The following CACNA1D variants were observed in gnomAD, a reference collection of about 807,000 sequenced individuals.
CACNA1D encodes the protein voltage-dependent L-type calcium channel subunit alpha-1D.
CACNA1D carries 55 observed loss-of-function variants against 257.1 expected under a neutral mutation model. That is an observed-to-expected ratio of 0.21 (90% confidence interval 0.17 to 0.27). CACNA1D has a LOEUF of 0.27. Ranked by LOEUF, CACNA1D falls within the 10% of genes least tolerant of loss-of-function variation. The probability of loss-of-function intolerance (pLI) is 1.00; values close to 1 mark genes in which losing one functional copy is unlikely to be tolerated. For synonymous variants in CACNA1D, 980 were observed against 1,014.9 expected, an observed-to-expected ratio of 0.97 and a Z score of 0.65; for missense variants, 1,876 against 2,784.0, an observed-to-expected ratio of 0.67 and a Z score of 7.34.
intron 25 of CACNA1D, 78 bp downstream of exon 25, chr3:53,745,953 C>A: frequency 8.5e-7 from 1 of 1,173,494 alleles, no homozygotes; most frequent in South Asian, 1.2e-5. Context: ...GTTGGCACGT[C>A]AGAAGTTTTG....
At chr3:53,770,670 C>A in intron 32 of CACNA1D, 118 bp downstream of exon 32, 1 of 887,712 alleles carries the variant, frequency 1.1e-6, no homozygotes, top group South Asian at 1.4e-5. Flanking sequence ...GGACCTAAAT[C>A]AATAGAAAAC....
chr3:53,722,966 G>C (rs1470258363), intron 12 of CACNA1D, among the ~76,000 whole-genome samples: 1 of 152,054 alleles, frequency 6.6e-6, no homozygotes, highest in Non-Finnish European at 1.5e-5. Context: ...TCTCCAGCCT[G>C]CTTGGTGATA....
intron 14 of CACNA1D, among the ~76,000 whole-genome samples, chr3:53,724,387 A>G (rs2094911136): frequency 6.6e-6 from 1 of 152,222 alleles, no homozygotes; most frequent in Non-Finnish European, 1.5e-5. Flanking sequence ...TAATAGATTT[A>G]CACAAGAAGT....
At chr3:53,684,381 G>A (rs1239320087) in intron 8 of CACNA1D, among the ~76,000 whole-genome samples, 1 of 152,150 alleles carries the variant, frequency 6.6e-6, no homozygotes, top group Non-Finnish European at 1.5e-5. Flanking sequence ...CAGCACTTTG[G>A]GAGGCTGAGG....
At chr3:53,648,827 A>AC (rs1553622544) in intron 3 of CACNA1D, among the ~76,000 whole-genome samples, 5 of 118,988 alleles carry the variant, frequency 4.2e-5, no homozygotes, top group Non-Finnish European at 8.2e-5. Flanking sequence ...GCTAACTCTC[A>AC]AAACACACAC....
chr3:53,647,768 T>C (rs2094038348), intron 3 of CACNA1D, among the ~76,000 whole-genome samples: 1 of 152,226 alleles, frequency 6.6e-6, no homozygotes, highest in Non-Finnish European at 1.5e-5. Context: ...AGTGGCAGGA[T>C]TGAGGACCGG....
In CACNA1D at chr3:53,723,783, G is replaced by C. The variant is rs760307188; in HGVS notation, c.1893-9G>C. 1.2e-6 allele frequency: 2 copies of C among 1,611,916 alleles called. No individual in the cohort carries two copies. Among genetic ancestry groups the C allele is most frequent in the Non-Finnish European group, 1.7e-6 (2 of 1,178,022 alleles). On this transcript the variant is annotated splice_polypyrimidine_tract_variant and intron_variant, in intron 13 of 47. Transcript: ENST00000350061. This position sits in a 1 kb window ranked among gnomAD's most constrained non-coding sequence, Gnocchi z 5.6. ...TGTTCTGAGCTGACACCCTCATCTTGACTTATAGGCACTGGACTTCCCTGA... is the reference window on the plus strand; with the variant it reads ...TGTTCTGAGCTGACACCCTCATCTTCACTTATAGGCACTGGACTTCCCTGA...
intron 7 of CACNA1D, among the ~76,000 whole-genome samples, chr3:53,667,189 C>T (rs2094274868): frequency 6.6e-6 from 1 of 152,174 alleles, no homozygotes; most frequent in Admixed American, 6.5e-5. Context: ...GTGGACCCAT[C>T]CAGCCTGCCA....
intron 19 of CACNA1D, among the ~76,000 whole-genome samples, chr3:53,733,973 T>G (rs2095028920): frequency 7.0e-6 from 1 of 142,704 alleles, no homozygotes; most frequent in African/African-American, 2.6e-5. Context: ...TGTATGTATA[T>G]GTATATATAT....
Position 53,673,577 on chromosome 3 carries a change from AGG to A in CACNA1D, c.1220+453_1220+454del. 1 of 643,738 alleles carries A rather than the reference AGG, an allele frequency of 1.6e-6. No homozygotes were observed. The highest frequency in any genetic ancestry group is 1.7e-5 in the South Asian group (1 of 57,442). The allele number at this position is 643,738 out of a possible 1,614,324, so 39.9% of individuals were successfully genotyped here. A position where few individuals can be genotyped will look rare whatever the true frequency, so the allele number is the denominator to read the frequency against. On this transcript the variant is annotated intron_variant, in intron 8 of 47. Coordinates refer to ENST00000350061, the MANE Select transcript of CACNA1D (RefSeq NM_001128840.3). This position sits in a 1 kb window ranked among gnomAD's most constrained non-coding sequence, Gnocchi z 4.1. ...CTTATTTGCAGAAAAAAAAAAAAAA[AGG>A]GAAGGACCTAGGCCCAGTCCCTGTC...
intron 3 of CACNA1D, among the ~76,000 whole-genome samples, chr3:53,519,734 T>C (rs2091478944): frequency 6.6e-6 from 1 of 152,222 alleles, no homozygotes; most frequent in South Asian, 2.1e-4. Context: ...GCAACCATCA[T>C]CAAAATCAAC....
chr3:53,599,702 T>C (rs1315746686), intron 3 of CACNA1D, among the ~76,000 whole-genome samples: 1 of 152,232 alleles, frequency 6.6e-6, no homozygotes, highest in Non-Finnish European at 1.5e-5. Context: ...ATACCGTACA[T>C]GAATTCTCTA....
At chr3:53,727,164 G>T (rs1387278629) in intron 15 of CACNA1D, among the ~76,000 whole-genome samples, 165 bp downstream of exon 15, 1 of 152,200 alleles carries the variant, frequency 6.6e-6, no homozygotes, top group East Asian at 1.9e-4. Flanking sequence ...GCTGCTGGGG[G>T]ACAGCGTCCT....
At chr3:53,705,564 G>A (rs999988734) in intron 9 of CACNA1D, among the ~76,000 whole-genome samples, 5 of 152,162 alleles carry the variant, frequency 3.3e-5, no homozygotes, top group Non-Finnish European at 7.3e-5. Context: ...TCTGTGGTGC[G>A]CCCTTGTTCT....
chr3:53,762,950 C>T (rs1433795725), intron 30 of CACNA1D, among the ~76,000 whole-genome samples: 1 of 152,198 alleles, frequency 6.6e-6, no homozygotes, highest in East Asian at 1.9e-4. Context: ...AGTCGTGTGA[C>T]CGTGGAAGTC....
chr3:53,737,819 G>A (rs572775247), intron 20 of CACNA1D, among the ~76,000 whole-genome samples: 18 of 152,308 alleles, frequency 1.2e-4, no homozygotes, highest in African/African-American at 4.3e-4. Context: ...GCAAAACTCT[G>A]TCTCAAAAAA....
At chr3:53,786,712 C>T (rs1195611338) in intron 39 of CACNA1D, 110 bp from the exon 40 acceptor site, 18 of 612,692 alleles carry the variant, frequency 2.9e-5, no homozygotes, top group Admixed American at 6.3e-5. Context: ...TGCGCCGGAC[C>T]GCCCACCCGC....
chr3:53,705,107 GAGA>G (rs1250070775), intron 9 of CACNA1D, among the ~76,000 whole-genome samples: 1 of 152,192 alleles, frequency 6.6e-6, no homozygotes, highest in Non-Finnish European at 1.5e-5. Context: ...GGGGAAGATG[GAGA>G]AGGAGTGGCT....
rs202077075 is a variant in CACNA1D, at chr3:53,810,036, C to T, written c.5930C>T (p.Ser1977Leu). ...GCCCAGAAGTACTCACCGAGTCACT[C>T]GACCCGGTCGTGGGCCACCCCTCCA... is the stretch of plus-strand genomic sequence containing the variant. ...SKAQKYSPSH[S>L]TRSWATPPAT... Residue 1977 changes from serine to leucine, a missense_variant, in exon 47 of 48, where the codon TCG becomes TTG. Physicochemically the swap from Ser to Leu is moderately radical, Grantham distance 145. Coordinates refer to ENST00000350061, the MANE Select transcript of CACNA1D (RefSeq NM_001128840.3). The T allele has an allele frequency of 1.3e-5, 21 of 1,613,866 alleles. No individual in the cohort carries two copies. Among genetic ancestry groups the T allele is most frequent in the Admixed American group, 8.3e-5 (5 of 60,012 alleles).
Sources: gnomAD v4.1 joint callset for allele counts (sites outside exome capture counted in the v4.1 genomes callset) on GRCh38, gnomAD v4.1.1 for gene constraint, Gnocchi (gnomAD v3.1) non-coding constraint, MANE v1.5 for transcripts, NCBI Gene and HGNC (gene_info 2026-07-23, HGNC 2026-07-21) for gene names.